The following NAALADL2 variants were observed in gnomAD, a reference collection of about 807,000 sequenced individuals.
NAALADL2 encodes inactive N-acetylated-alpha-linked acidic dipeptidase-like protein 2.
NAALADL2 carries 76 observed loss-of-function variants against 87.2 expected under a neutral mutation model. The observed-to-expected ratio is 0.87, with a 90% CI of 0.72 to 1.05. The LOEUF (loss-of-function observed/expected upper bound fraction) is 1.05, where lower values mean the gene tolerates loss of function less well. Ranked by LOEUF, NAALADL2 falls within the 50% of genes least tolerant of loss-of-function variation. The pLI, the probability that NAALADL2 is intolerant of heterozygous loss-of-function variation, is 0.00. For missense variants in NAALADL2, 1,089 were observed against 945.8 expected (o/e 1.15, Z -1.99); for synonymous variants, 354 against 331.0 (o/e 1.07, Z -0.75).
chr3:175,476,813 T>G (rs1432596309), intron 9 of NAALADL2, among the ~76,000 whole-genome samples: 2 of 152,168 alleles, frequency 1.3e-5, no homozygotes, highest in Admixed American at 1.3e-4. Context: ...ACAACACGTC[T>G]GACATTTTTG....
chr3:174,683,813 T>C (rs571058731), intron 2 of NAALADL2, among the ~76,000 whole-genome samples: 2 of 152,178 alleles, frequency 1.3e-5, no homozygotes, highest in South Asian at 4.1e-4. Context: ...AATACTATTA[T>C]TTATCACACT....
At chr3:174,642,749 C>CATATATATATATAT (rs71624288) in intron 2 of NAALADL2, among the ~76,000 whole-genome samples, 59 of 130,258 alleles carry the variant, frequency 4.5e-4, no homozygotes, top group African/African-American at 1.6e-3. Flanking sequence ...TGAAAAAAAA[C>CATATATATATATAT]ATATATATAT....
At chr3:174,831,074 C>A (rs1579109762) in intron 3 of NAALADL2, among the ~76,000 whole-genome samples, 1 of 151,434 alleles carries the variant, frequency 6.6e-6, no homozygotes, top group South Asian at 2.1e-4. Context: ...TTGACTTCCT[C>A]TTTTCCTAAT....
intron 3 of NAALADL2, among the ~76,000 whole-genome samples, chr3:174,853,136 T>G (rs1056677336): frequency 7.5e-6 from 1 of 133,080 alleles, no homozygotes; most frequent in Non-Finnish European, 1.5e-5. Context: ...GAGGCCAAAG[T>G]GGGCAGATCA....
rs142266269 is a variant in NAALADL2 at position 174,742,849 on chromosome 3, A to G, written c.-9+5103A>G. Reference sequence around the variant, plus strand: ...ATATGAGAATATAAAGCAAGAATGTAAATACAAAAGGACTGTTATTTAATA... The same window carrying G: ...ATATGAGAATATAAAGCAAGAATGTGAATACAAAAGGACTGTTATTTAATA... On this transcript the variant is annotated intron_variant, in intron 3 of 3. Coordinates refer to the NAALADL2 transcript ENST00000434257. Among the ~76,000 whole-genome samples the G allele has an allele frequency of 3.1e-4, 47 of 151,874 alleles. 1 individual carries two copies. In the East Asian group the frequency reaches 6.4e-3, roughly 21 times the overall value.
At chr3:175,760,546 T>C (rs1747866955) in intron 13 of NAALADL2, among the ~76,000 whole-genome samples, 1 of 152,202 alleles carries the variant, frequency 6.6e-6, no homozygotes. Flanking sequence ...TGTTGAAAAT[T>C]ACAAAGCATC....
chr3:174,689,417 C>A (rs511304), intron 2 of NAALADL2, among the ~76,000 whole-genome samples: 59,655 of 149,748 alleles, frequency 0.4, 12,177 homozygotes, highest in Middle Eastern at 0.48. Flanking sequence ...CCAGTTTGAG[C>A]AATGGGTCAC....
chr3:174,814,597 T>G (rs192591370), intron 3 of NAALADL2, among the ~76,000 whole-genome samples: 4 of 152,290 alleles, frequency 2.6e-5, no homozygotes, highest in South Asian at 2.1e-4. Flanking sequence ...TTGTGCTCTT[T>G]AGGGCATGAA....
chr3:175,531,344 A>C (rs1309592886), intron 9 of NAALADL2, among the ~76,000 whole-genome samples: 1 of 152,154 alleles, frequency 6.6e-6, no homozygotes, highest in African/African-American at 2.4e-5. Context: ...ATATCTTGAC[A>C]AATCCCACAC....
At chr3:174,966,042 C>G (rs565633340) in intron 1 of NAALADL2, among the ~76,000 whole-genome samples, 1 of 152,168 alleles carries the variant, frequency 6.6e-6, no homozygotes, top group African/African-American at 2.4e-5. Context: ...ATAAGTGAAT[C>G]CAGTCAGCAC....
chr3:175,786,774 G>C (rs1752031270), intron 13 of NAALADL2, among the ~76,000 whole-genome samples: 1 of 152,116 alleles, frequency 6.6e-6, no homozygotes, highest in East Asian at 1.9e-4. Flanking sequence ...AGGAGGAGGA[G>C]GAGGAGAGGC....
chr3:174,823,064 TG>T (rs1277558959), intron 3 of NAALADL2, among the ~76,000 whole-genome samples: 1 of 152,228 alleles, frequency 6.6e-6, no homozygotes. Flanking sequence ...AGCTGTTAAA[TG>T]CATATAAAAG....
Position 175,782,105 on chromosome 3 carries a change from T to C in NAALADL2, c.2190-20900T>C, listed in dbSNP as rs1163048772. On this transcript the variant is annotated intron_variant, in intron 13 of 13. Transcript: ENST00000454872. ...CACATTTTCTTAATCCAGTCTCTCA[T>C]TGTTGGACATTTGGGTTGGTTCCAA... Among the ~76,000 whole-genome samples, 4 of 151,198 alleles carry C rather than the reference T, an allele frequency of 2.6e-5. No individual in the cohort carries two copies. In the East Asian group the frequency reaches 5.8e-4, roughly 22 times the overall value.
At chr3:175,006,885 C>A (rs918953916) in intron 1 of NAALADL2, among the ~76,000 whole-genome samples, 1 of 151,256 alleles carries the variant, frequency 6.6e-6, no homozygotes, top group East Asian at 1.9e-4. Context: ...CTTATGCATT[C>A]TTATACGTAT....
At chr3:174,893,158 G>A (rs1055119663) in intron 1 of NAALADL2, among the ~76,000 whole-genome samples, 7 of 151,996 alleles carry the variant, frequency 4.6e-5, no homozygotes, top group Non-Finnish European at 8.8e-5. Flanking sequence ...TATCTAAAGA[G>A]GTGAAGGACA....
intron 9 of NAALADL2, among the ~76,000 whole-genome samples, chr3:175,500,548 A>G (rs1315260252): frequency 6.6e-6 from 1 of 152,060 alleles, no homozygotes; most frequent in East Asian, 1.9e-4. Context: ...AGAATGTGTT[A>G]CACACAAGGG....
In NAALADL2 at chr3:175,463,881, A is replaced by G. The variant is rs78266453; in HGVS notation, c.1327+388A>G. On this transcript the variant is annotated intron_variant, in intron 7 of 13. Coordinates refer to ENST00000454872, the MANE Select transcript of NAALADL2 (RefSeq NM_207015.3). Reference sequence around the variant, plus strand: ...TTTATTTTGATCAAGAAGACATTTTAAAGAATGATTTTCTTTTTCCTCACT... The same window carrying G: ...TTTATTTTGATCAAGAAGACATTTTGAAGAATGATTTTCTTTTTCCTCACT... 5.5e-3 allele frequency among the ~76,000 whole-genome samples: 832 copies of G among 152,288 alleles called. 4 individuals are homozygous for G. The highest frequency in any genetic ancestry group is 0.018 in the African/African-American group (758 of 41,558).
chr3:174,550,727 G>A (rs1186756977), intron 2 of NAALADL2: 1 of 151,996 alleles, frequency 6.6e-6, no homozygotes, highest in Admixed American at 6.5e-5. Context: ...AATGTTTAAA[G>A]TATGCTTACA....
chr3:175,432,663 A>C (rs1039378579), intron 5 of NAALADL2, among the ~76,000 whole-genome samples: 9 of 152,028 alleles, frequency 5.9e-5, no homozygotes, highest in Non-Finnish European at 1.3e-4. Context: ...TTCGAAACAT[A>C]TATGGAAAAA....
Sources: gnomAD v4.1 joint callset for allele counts (sites outside exome capture counted in the v4.1 genomes callset) on GRCh38, gnomAD v4.1.1 for gene constraint, MANE v1.5 for transcripts, NCBI Gene and HGNC (gene_info 2026-07-23, HGNC 2026-07-21) for gene names.